The following PIK3CG variants were observed in gnomAD, a reference collection of about 807,000 sequenced individuals.
The protein encoded by PIK3CG is phosphatidylinositol-4,5-bisphosphate 3-kinase catalytic subunit gamma.
A neutral mutation model predicts 102.3 loss-of-function variants in PIK3CG; 55 were observed. That is an observed-to-expected ratio of 0.54 (90% CI 0.43 to 0.67). The LOEUF (loss-of-function observed/expected upper bound fraction) is 0.67. PIK3CG is among the 30% of genes least tolerant of loss of function. The pLI is 0.00. For missense variants in PIK3CG, 1,258 were observed against 1,391.8 expected, an observed-to-expected ratio of 0.90 and a Z score of 1.53; for synonymous variants, 552 against 540.0, an observed-to-expected ratio of 1.02 and a Z score of -0.31.
chr7:106,898,544 T>C (rs1428328604), intron 10 of PIK3CG, among the ~76,000 whole-genome samples: 1 of 152,174 alleles, frequency 6.6e-6, no homozygotes, highest in Non-Finnish European at 1.5e-5. Flanking sequence ...CCAACTTGAG[T>C]TGATGTTTGT....
Position 106,868,140 on chromosome 7 carries a change from C to T in PIK3CG, c.579C>T (p.Pro193=), listed in dbSNP as rs774420702. The change falls in exon 2 of 11, where the codon CCC becomes CCT. Residue 193 remains proline, a synonymous_variant. Coordinates refer to ENST00000496166, the MANE Select transcript of PIK3CG (RefSeq NM_001282426.2). This position sits in a 1 kb window ranked among gnomAD's most constrained non-coding sequence, Gnocchi z 6.2. Reference sequence around the variant, plus strand: ...TGGCGGAGGTGGCCAGCCGCGACCCCAAGCTCTACGCCATGCACCCGTGGG... The same window carrying T: ...TGGCGGAGGTGGCCAGCCGCGACCCTAAGCTCTACGCCATGCACCCGTGGG... ...PRMAEVASRD[P]KLYAMHPWVT... 3.7e-6 allele frequency: 6 copies of T among 1,613,426 alleles called. No homozygotes were observed. Among genetic ancestry groups the T allele is most frequent in the Non-Finnish European group, 2.5e-6 (3 of 1,179,996 alleles).
chr7:106,868,276 G>A lies in PIK3CG; in HGVS notation c.715G>A (p.Asp239Asn), dbSNP rs754275924. The change falls in exon 2 of 11, where the codon GAC (aspartate) becomes AAC (asparagine). Residue 239 changes from aspartate (D) to asparagine (N), a missense_variant. Asp to Asn is a conservative substitution (Grantham distance 23). Transcript: ENST00000496166. The surrounding 1 kb of genome is among the most constrained non-coding windows in gnomAD (Gnocchi z 6.2). ...TSQTIKVSPD[D>N]TPGAILQSFF... ...CCAGACCATTAAGGTCTCACCCGAC[G>A]ACACCCCCGGCGCCATCCTGCAGAG... The A allele has an allele frequency of 8.1e-6, 13 of 1,613,828 alleles. No homozygotes were observed. The South Asian group carries it at 9.9e-5, about 12-fold the overall frequency.
At chr7:106,882,235 G>T (rs1790963348) in intron 7 of PIK3CG, 28 bp downstream of exon 7, 1 of 1,084,014 alleles carries the variant, frequency 9.2e-7, no homozygotes, top group Non-Finnish European at 1.3e-6. Context: ...GAGATGAATA[G>T]ACCTCTCAGC....
In PIK3CG at chr7:106,879,507, G is replaced by A. The variant is rs770029675; in HGVS notation, c.2392-12G>A. 2.5e-6 allele frequency: 4 copies of A among 1,610,240 alleles called. No homozygotes were observed. In the African/African-American group the frequency reaches 5.3e-5, roughly 22 times the overall value. On this transcript the variant is annotated splice_polypyrimidine_tract_variant and intron_variant, in intron 5 of 10. Coordinates refer to ENST00000496166, the MANE Select transcript of PIK3CG (RefSeq NM_001282426.2). The surrounding 1 kb of genome is among the most constrained non-coding windows in gnomAD (Gnocchi z 4.9). ...CATTGTGTGTGGGGAATATGTGACT[G>A]CTTCCTTACAGATTGAAAAATGTAA...
At position 106,869,690 on chromosome 7, in the gene PIK3CG, A is replaced by G; in HGVS notation, c.1995+134A>G. 1.4e-6 allele frequency: 1 copy of G among 731,238 alleles called. No individual in the cohort carries two copies. Among genetic ancestry groups the G allele is most frequent in the Non-Finnish European group, 2.2e-6 (1 of 451,330 alleles). The allele number at this position is 731,238 out of a possible 1,614,324, so 45.3% of individuals were successfully genotyped here. A position where few individuals can be genotyped will look rare whatever the true frequency, so the allele number is the denominator to read the frequency against. On this transcript the variant is annotated intron_variant, in intron 2 of 10. Coordinates refer to ENST00000496166, the MANE Select transcript of PIK3CG (RefSeq NM_001282426.2). This position sits in a 1 kb window ranked among gnomAD's most constrained non-coding sequence, Gnocchi z 5.3. The stretch of plus-strand genomic sequence containing the variant: ...TCATCGGCAAAAGTAGATATGATGA[A>G]GCTGCCTCAAAAAGTAGTAAACTGT...
At position 106,868,035 on chromosome 7, in the gene PIK3CG, T is replaced by G. The variant is rs138562997; in HGVS notation, c.474T>G (p.Ile158Met). 74 of 1,612,400 alleles carry G rather than the reference T, an allele frequency of 4.6e-5. No homozygotes were observed. In the African/African-American group the frequency reaches 9.5e-4, roughly 21 times the overall value. ...QAFQRQLTAL[I>M]GYDVTDVSNV... ...TCCAGCGGCAGCTCACGGCGCTGAT[T>G]GGCTATGACGTCACTGACGTCAGCA... Residue 158 changes from isoleucine (I) to methionine (M), a missense_variant, in exon 2 of 11, where the codon ATT (isoleucine) becomes ATG (methionine). By Grantham distance (10) the Ile-to-Met change is conservative. Transcript: ENST00000496166. The surrounding 1 kb of genome is among the most constrained non-coding windows in gnomAD (Gnocchi z 6.2).
intron 1 of PIK3CG, among the ~76,000 whole-genome samples, chr7:106,866,998 C>T (rs931418043): frequency 3.3e-5 from 5 of 152,074 alleles, no homozygotes; most frequent in African/African-American, 1.2e-4. Context: ...AAGTTAAAGG[C>T]CTGTTTTCAA....
rs1790373561 is a variant in PIK3CG, at chr7:106,868,078, C to T, written c.517C>T (p.Leu173=). The T allele has an allele frequency of 1.2e-6, 2 of 1,612,976 alleles. No individual in the cohort carries two copies. The highest frequency in any genetic ancestry group is 1.7e-6 in the Non-Finnish European group (2 of 1,179,306). Residue 173 remains leucine, a synonymous_variant, in exon 2 of 11, where the codon CTG becomes TTG. Coordinates refer to ENST00000496166, the MANE Select transcript of PIK3CG (RefSeq NM_001282426.2). The surrounding 1 kb of genome is among the most constrained non-coding windows in gnomAD (Gnocchi z 6.2). ...CGTCAGCAACGTGCACGACGATGAG[C>T]TGGAGTTCACGCGCCGTGGCTTGGT... The part of the protein sequence containing the change: ...TDVSNVHDDE[L]EFTRRGLVTP...
intron 10 of PIK3CG, among the ~76,000 whole-genome samples, chr7:106,888,664 G>A (rs1443656344): frequency 1.3e-5 from 2 of 152,172 alleles, no homozygotes; most frequent in Non-Finnish European, 2.9e-5. Flanking sequence ...TACATTTGTT[G>A]TACTTGTGTG....
In PIK3CG at chr7:106,884,263, A is replaced by G; in HGVS notation, c.2869A>G (p.Thr957Ala). 1 of 1,596,810 alleles carries G rather than the reference A, an allele frequency of 6.3e-7. No homozygotes were observed. The change falls in exon 9 of 11, where the codon ACA (threonine) becomes GCA (alanine). Residue 957 changes from threonine (T) to alanine (A), a missense_variant. Thr to Ala is a moderately conservative substitution (Grantham distance 58). This residue lies in a region of PIK3CG where 426 missense variants were observed against 604.2 expected (regional missense o/e 0.71). Transcript: ENST00000496166. The surrounding 1 kb of genome is among the most constrained non-coding windows in gnomAD (Gnocchi z 4.2). Reference sequence around the variant, plus strand: ...CAATGACAATATTATGATCACCGAGACAGGTGAGTTTATTTAGTGCAGAAT... The same window carrying G: ...CAATGACAATATTATGATCACCGAGGCAGGTGAGTTTATTTAGTGCAGAAT... ...RHNDNIMITE[T>A]GNLFHIDFGH...
intron 10 of PIK3CG, among the ~76,000 whole-genome samples, chr7:106,896,843 T>G (rs1791422002): frequency 6.6e-6 from 1 of 152,160 alleles, no homozygotes; most frequent in Non-Finnish European, 1.5e-5. Flanking sequence ...TTTGTATTGC[T>G]TAGGATGATG....
chr7:106,895,372 A>T lies in PIK3CG; in HGVS notation c.3030+9080A>T, dbSNP rs1417203143. ...ATAGTCCCTGAAACCACAGGCCTCT[A>T]GGCCAAGGTAGTGTCAGAACACTCC... is the stretch of plus-strand genomic sequence containing the variant. On this transcript the variant is annotated intron_variant, in intron 10 of 10. Transcript: ENST00000496166. The surrounding 1 kb of genome is among the most constrained non-coding windows in gnomAD (Gnocchi z 5.4). 6.6e-6 allele frequency among the ~76,000 whole-genome samples: 1 copy of T among 152,214 alleles called. No individual in the cohort carries two copies.
intron 5 of PIK3CG, among the ~76,000 whole-genome samples, chr7:106,875,451 T>C (rs1790693771): frequency 6.6e-6 from 1 of 152,072 alleles, no homozygotes; most frequent in African/African-American, 2.4e-5. Context: ...AACATTTCCA[T>C]AGACATGTTA....
In PIK3CG at chr7:106,868,717, A is replaced by G. The variant is rs2116447979; in HGVS notation, c.1156A>G (p.Asn386Asp). 1.2e-6 allele frequency: 2 copies of G among 1,614,230 alleles called. No homozygotes were observed. Among genetic ancestry groups the G allele is most frequent in the South Asian group, 1.1e-5 (1 of 91,088 alleles). The part of the protein sequence containing the change: ...NTDLTVFVEA[N>D]IQHGQQVLCQ... ...CGACCTCACAGTTTTTGTAGAGGCA[A>G]ACATCCAGCATGGGCAACAAGTCCT... The change falls in exon 2 of 11, where the codon AAC (asparagine) becomes GAC (aspartate). Residue 386 changes from asparagine to aspartate, a missense_variant. Transcript: ENST00000496166. This position sits in a 1 kb window ranked among gnomAD's most constrained non-coding sequence, Gnocchi z 6.2.
Position 106,874,399 on chromosome 7 carries a change from T to C in PIK3CG, c.2288-301T>C, listed in dbSNP as rs568172419. On this transcript the variant is annotated intron_variant, in intron 4 of 10. Coordinates refer to ENST00000496166, the MANE Select transcript of PIK3CG (RefSeq NM_001282426.2). This position sits in a 1 kb window ranked among gnomAD's most constrained non-coding sequence, Gnocchi z 4.3. ...CAGTATTAATTCCTTAGCATCACCCTCAGAGCATACTTCTCTACTTGGATT... is the reference window on the plus strand; with the variant it reads ...CAGTATTAATTCCTTAGCATCACCCCCAGAGCATACTTCTCTACTTGGATT... 6.6e-6 allele frequency among the ~76,000 whole-genome samples: 1 copy of C among 152,356 alleles called. No homozygotes were observed. Among genetic ancestry groups the C allele is most frequent in the Admixed American group, 6.5e-5 (1 of 15,298 alleles).
At position 106,883,265 on chromosome 7, in the gene PIK3CG, C is replaced by G. The variant is rs1353985064; in HGVS notation, c.2760+102C>G. ...CAGAGAATCTGCCAGTGTCTTGCCT[C>G]CTGACATATTAGTGAAGTTTTTTAC... On this transcript the variant is annotated intron_variant, in intron 8 of 10. Coordinates refer to ENST00000496166, the MANE Select transcript of PIK3CG (RefSeq NM_001282426.2). The surrounding 1 kb of genome is among the most constrained non-coding windows in gnomAD (Gnocchi z 5.8). 2.4e-6 allele frequency: 3 copies of G among 1,227,452 alleles called. No homozygotes were observed. Among genetic ancestry groups the G allele is most frequent in the Admixed American group, 4.0e-5 (2 of 50,186 alleles). The allele number at this position is 1,227,452 out of a possible 1,614,324, so 76.0% of individuals were successfully genotyped here.
Position 106,895,752 on chromosome 7 carries a change from A to T in PIK3CG, c.3031-9357A>T, listed in dbSNP as rs548639364. ...GATTAGTAATCATAGCCAACTACTT[A>T]TGTAGCACTTAAATCTCACCACAAC... is the stretch of plus-strand genomic sequence containing the variant. On this transcript the variant is annotated intron_variant, in intron 10 of 10. Transcript: ENST00000496166. This position sits in a 1 kb window ranked among gnomAD's most constrained non-coding sequence, Gnocchi z 5.4. Among the ~76,000 whole-genome samples, 1 of 152,330 alleles carries T rather than the reference A, an allele frequency of 6.6e-6. No individual in the cohort carries two copies. Among genetic ancestry groups the T allele is most frequent in the South Asian group, 2.1e-4 (1 of 4,826 alleles).
chr7:106,879,014 C>T lies in PIK3CG; in HGVS notation c.2392-505C>T, dbSNP rs1045033698. On this transcript the variant is annotated intron_variant, in intron 5 of 10. Transcript: ENST00000496166. The surrounding 1 kb of genome is among the most constrained non-coding windows in gnomAD (Gnocchi z 4.9). ...AGATGTATGAGGTTTAGGGGGAGGG[C>T]GTGTTGTACCTAAATGCCAGATTTT... Among the ~76,000 whole-genome samples the T allele has an allele frequency of 6.6e-6, 1 of 152,120 alleles. No individual in the cohort carries two copies. Among genetic ancestry groups the T allele is most frequent in the African/African-American group, 2.4e-5 (1 of 41,422 alleles).
rs371499467 is a variant in PIK3CG, at chr7:106,872,878, C to G, written c.2227C>G (p.Gln743Glu). ...ACAAGTCCAAGTAATCGAGATGTTA[C>G]AAAAAGTCACCCTTGATATTAAATC... is the stretch of plus-strand genomic sequence containing the variant. The part of the protein sequence containing the change: ...TQQVQVIEML[Q>E]KVTLDIKSLS... Residue 743 changes from glutamine (Q) to glutamate (E), a missense_variant, in exon 4 of 11, where the codon CAA becomes GAA. Around this residue, in one of 2 missense-constraint regions of PIK3CG, gnomAD observed 426 missense variants for 604.2 expected, o/e 0.71. Transcript: ENST00000496166. This position sits in a 1 kb window ranked among gnomAD's most constrained non-coding sequence, Gnocchi z 5.3. The G allele has an allele frequency of 6.2e-7, 1 of 1,614,060 alleles. No individual in the cohort carries two copies. Among genetic ancestry groups the G allele is most frequent in the African/African-American group, 1.3e-5 (1 of 74,922 alleles).
Sources: gnomAD v4.1 joint callset for allele counts (sites outside exome capture counted in the v4.1 genomes callset) on GRCh38, gnomAD v4.1.1 for gene constraint, gnomAD v4.1.1 regional missense constraint, Gnocchi (gnomAD v3.1) non-coding constraint, MANE v1.5 for transcripts, NCBI Gene and HGNC (gene_info 2026-07-23, HGNC 2026-07-21) for gene names.